Variants in KREMEN1 observed in about 807,000 individuals in gnomAD.
KREMEN1 encodes kremen protein 1.
A neutral mutation model predicts 46.5 loss-of-function variants in KREMEN1; 30 were observed. The observed-to-expected ratio is 0.65, with a 90% confidence interval of 0.48 to 0.88. KREMEN1 has a LOEUF of 0.88. Among genes scored for constraint, KREMEN1 ranks in the 40% least tolerant of loss-of-function variants. KREMEN1 has a pLI of 0.00. For missense variants in KREMEN1, 533 were observed against 596.9 expected (o/e 0.89, Z 1.11); for synonymous variants, 214 against 230.6 (o/e 0.93, Z 0.65).
chr22:29,123,602 G>T (rs2038393146), intron 4 of KREMEN1, among the ~76,000 whole-genome samples: 1 of 152,096 alleles, frequency 6.6e-6, no homozygotes. Context: ...GACCAGCCTG[G>T]CCAACATGGC....
chr22:29,134,522 CATT>C (rs1168056501), intron 5 of KREMEN1, among the ~76,000 whole-genome samples: 1 of 152,154 alleles, frequency 6.6e-6, no homozygotes, highest in Admixed American at 6.5e-5. Context: ...TCTGGGTCAT[CATT>C]GAGTCTAGTT....
intron 5 of KREMEN1, among the ~76,000 whole-genome samples, chr22:29,131,560 A>ATATG (rs1240832937): frequency 2.8e-3 from 194 of 69,832 alleles, no homozygotes; most frequent in Middle Eastern, 7.4e-3. Context: ...ATATATATAT[A>ATATG]TGTGTGTGTG....
chr22:29,087,393 C>A (rs1011030039), intron 1 of KREMEN1, among the ~76,000 whole-genome samples: 2 of 151,718 alleles, frequency 1.3e-5, no homozygotes, highest in African/African-American at 4.8e-5. Flanking sequence ...ACCAGAAAAC[C>A]AAGAATATAG....
At chr22:29,152,873 GC>G (rs1569341263) in intron 9 of KREMEN1, among the ~76,000 whole-genome samples, 1 of 152,224 alleles carries the variant, frequency 6.6e-6, no homozygotes, top group South Asian at 2.1e-4. Context: ...TAAAGTGAAA[GC>G]AAGTCTATTA....
intron 5 of KREMEN1, among the ~76,000 whole-genome samples, chr22:29,126,224 G>T (rs1387661338): frequency 6.6e-6 from 1 of 152,138 alleles, no homozygotes; most frequent in Non-Finnish European, 1.5e-5. Context: ...AGGCAGCATG[G>T]CTAGTTTTGA....
chr22:29,118,329 A>C (rs1272508468), intron 3 of KREMEN1, among the ~76,000 whole-genome samples: 1 of 152,190 alleles, frequency 6.6e-6, no homozygotes, highest in Non-Finnish European at 1.5e-5. Context: ...GCCACATTCT[A>C]CTTGTCAAAA....
At position 29,142,649 on chromosome 22, in the gene KREMEN1, G is replaced by A. The variant is rs937045758; in HGVS notation, c.*537G>A. ...CTCCTGGACATTAGCGAGGTGTAAAGAGGGCAGTGTCTGTGCTGCCCCGGC... is the reference window on the plus strand; with the variant it reads ...CTCCTGGACATTAGCGAGGTGTAAAAAGGGCAGTGTCTGTGCTGCCCCGGC... On this transcript the variant is annotated 3_prime_UTR_variant, in exon 9 of 9. Coordinates refer to ENST00000400335, the MANE Select transcript of KREMEN1 (RefSeq NM_001039570.3). The A allele has an allele frequency of 9.1e-6, 9 of 985,434 alleles. No individual in the cohort carries two copies. Among genetic ancestry groups the A allele is most frequent in the African/African-American group, 1.7e-5 (1 of 57,248 alleles). 61.0% of individuals were successfully genotyped at this position (985,434 alleles called of 1,614,324 possible).
intron 3 of KREMEN1, among the ~76,000 whole-genome samples, chr22:29,105,306 G>A (rs1047931320): frequency 7.1e-5 from 10 of 141,348 alleles, no homozygotes; most frequent in Admixed American, 2.2e-4. Flanking sequence ...GAACAGACCC[G>A]TTACATTTTT....
At chr22:29,123,686 A>G (rs2038394885) in intron 4 of KREMEN1, among the ~76,000 whole-genome samples, 1 of 152,204 alleles carries the variant, frequency 6.6e-6, no homozygotes, top group South Asian at 2.1e-4. Context: ...GTTACTCGGG[A>G]AGCTGAGACA....
intron 1 of KREMEN1, among the ~76,000 whole-genome samples, chr22:29,074,196 C>T (rs553098720): frequency 6.6e-6 from 1 of 152,370 alleles, no homozygotes; most frequent in East Asian, 1.9e-4. Flanking sequence ...GGTCCTGGGA[C>T]GACCTTGTAC....
downstream of KREMEN1, among the ~76,000 whole-genome samples, chr22:29,150,911 G>A (rs1254239922): frequency 6.6e-6 from 1 of 152,178 alleles, no homozygotes; most frequent in Non-Finnish European, 1.5e-5. Flanking sequence ...GGCCGCCAAG[G>A]TTCGGACTCA....
downstream of KREMEN1, among the ~76,000 whole-genome samples, chr22:29,150,244 G>A (rs150212450): frequency 0.025 from 3,875 of 152,248 alleles, 73 homozygotes; most frequent in Non-Finnish European, 0.039. Context: ...AGTGCCTGCC[G>A]GACTGAACAT....
chr22:29,165,746 T>C (rs1321163890), intron 9 of KREMEN1, among the ~76,000 whole-genome samples: 1 of 152,246 alleles, frequency 6.6e-6, no homozygotes, highest in Non-Finnish European at 1.5e-5. Flanking sequence ...AAGCAAGGAC[T>C]GATAGAAGTG....
intron 9 of KREMEN1, among the ~76,000 whole-genome samples, chr22:29,157,782 C>T (rs7285508): frequency 0.017 from 2,586 of 152,298 alleles, 29 homozygotes; most frequent in Middle Eastern, 0.058. Flanking sequence ...AGCCCTTGGG[C>T]TGGGAGAAGG....
At chr22:29,084,194 T>A (rs1403584314) in intron 1 of KREMEN1, among the ~76,000 whole-genome samples, 5 of 152,164 alleles carry the variant, frequency 3.3e-5, no homozygotes, top group Middle Eastern at 3.4e-3. Flanking sequence ...TGACCAGAGG[T>A]CACTTTCATC....
At position 29,164,400 on chromosome 22, in the gene KREMEN1, T is replaced by C. The variant is rs16987199; in HGVS notation, c.1417-2644T>C. 4.9e-3 allele frequency among the ~76,000 whole-genome samples: 753 copies of C among 152,308 alleles called. 4 individuals are homozygous for C. The highest frequency in any genetic ancestry group is 0.014 in the Middle Eastern group (4 of 294). On this transcript the variant is annotated intron_variant, in intron 9 of 9. Transcript: ENST00000327813. Reference sequence around the variant, plus strand: ...ATTAGTAACAGCGCCTTGCTATCATTTATTGATCTCTTACTGTGCTCCAGG... The same window carrying C: ...ATTAGTAACAGCGCCTTGCTATCATCTATTGATCTCTTACTGTGCTCCAGG...
intron 8 of KREMEN1, among the ~76,000 whole-genome samples, chr22:29,141,020 A>C (rs192433887): frequency 1.8e-4 from 28 of 152,156 alleles, no homozygotes; most frequent in African/African-American, 6.7e-4. Context: ...GGTTCTTCTC[A>C]TTTCACAGCC....
chr22:29,141,285 C>CTG (rs1345390879), intron 8 of KREMEN1, among the ~76,000 whole-genome samples: 2 of 139,272 alleles, frequency 1.4e-5, no homozygotes, highest in Non-Finnish European at 3.0e-5. Flanking sequence ...GTGTCTGTGT[C>CTG]TGTGTGTGTG....
chr22:29,109,353 C>T (rs1276701389), intron 3 of KREMEN1, among the ~76,000 whole-genome samples: 1 of 152,140 alleles, frequency 6.6e-6, no homozygotes, highest in Non-Finnish European at 1.5e-5. Context: ...AATAGCCCCT[C>T]AATCTTATGA....
Sources: gnomAD v4.1 joint callset for allele counts (sites outside exome capture counted in the v4.1 genomes callset) on GRCh38, gnomAD v4.1.1 for gene constraint, MANE v1.5 for transcripts, NCBI Gene and HGNC (gene_info 2026-07-23, HGNC 2026-07-21) for gene names.